Variants in CLSTN2 observed in about 807,000 individuals in gnomAD.
CLSTN2 encodes calsyntenin 2, also known as calsyntenin-2.
A neutral mutation model predicts 101.2 loss-of-function variants in CLSTN2; 48 were observed. The observed-to-expected ratio is 0.47, with a 90% CI of 0.38 to 0.60. CLSTN2 has a LOEUF of 0.60. Among genes scored for constraint, CLSTN2 ranks in the 20% least tolerant of loss-of-function variants. CLSTN2 has a pLI of 0.00. For synonymous variants in CLSTN2, 481 were observed against 463.6 expected, an observed-to-expected ratio of 1.04 and a Z score of -0.48; for missense variants, 1,160 against 1,238.2, an observed-to-expected ratio of 0.94 and a Z score of 0.95.
chr3:140,230,218 T>C (rs1327123971), intron 2 of CLSTN2, among the ~76,000 whole-genome samples: 1 of 152,160 alleles, frequency 6.6e-6, no homozygotes, highest in Non-Finnish European at 1.5e-5. Flanking sequence ...GGACATTACA[T>C]ACTGATTGCA....
chr3:140,199,442 T>G (rs934714075), intron 2 of CLSTN2, among the ~76,000 whole-genome samples: 3 of 152,204 alleles, frequency 2.0e-5, no homozygotes, highest in Non-Finnish European at 4.4e-5. Flanking sequence ...CTGGTCAGAA[T>G]TGGTTTGAAA....
At chr3:140,155,146 G>C (rs985585888) in intron 1 of CLSTN2, among the ~76,000 whole-genome samples, 1 of 152,156 alleles carries the variant, frequency 6.6e-6, no homozygotes, top group Non-Finnish European at 1.5e-5. Flanking sequence ...TACTCTGGCA[G>C]CTCCGTGGAA....
At chr3:140,010,716 C>T (rs1287553006) in intron 1 of CLSTN2, among the ~76,000 whole-genome samples, 1 of 152,178 alleles carries the variant, frequency 6.6e-6, no homozygotes, top group African/African-American at 2.4e-5. Context: ...CCACTGCACT[C>T]CCCAACTGTT....
In CLSTN2 at chr3:140,494,622, C is replaced by T. The variant is rs545575803; in HGVS notation, c.1344+27891C>T. 1.2e-4 allele frequency among the ~76,000 whole-genome samples: 18 copies of T among 152,306 alleles called. No homozygotes were observed. In the South Asian group the frequency reaches 3.7e-3, roughly 32 times the overall value. The stretch of plus-strand genomic sequence containing the variant: ...CCTGATGCTCTCTCTTCCCCTACCT[C>T]ACCCCCAACAGGTCCCAGTGTGTGT... On this transcript the variant is annotated intron_variant, in intron 8 of 16. Transcript: ENST00000458420.
At chr3:140,225,953 C>T (rs1251742398) in intron 2 of CLSTN2, among the ~76,000 whole-genome samples, 2 of 152,060 alleles carry the variant, frequency 1.3e-5, no homozygotes, top group East Asian at 3.9e-4. Flanking sequence ...ATGTTTTCTT[C>T]TATAATATTG....
At chr3:140,101,832 G>A (rs962934813) in intron 1 of CLSTN2, among the ~76,000 whole-genome samples, 9 of 152,128 alleles carry the variant, frequency 5.9e-5, no homozygotes, top group Admixed American at 3.3e-4. Context: ...TTTTAACTGC[G>A]CTGGCCCAGA....
intron 1 of CLSTN2, among the ~76,000 whole-genome samples, chr3:139,940,856 A>G (rs1458610936): frequency 1.3e-5 from 2 of 152,054 alleles, no homozygotes; most frequent in African/African-American, 2.4e-5. Context: ...AATATTTGCT[A>G]TCTAAGTAAA....
chr3:140,111,807 A>G (rs1355864756), intron 1 of CLSTN2, among the ~76,000 whole-genome samples: 1 of 152,204 alleles, frequency 6.6e-6, no homozygotes, highest in Non-Finnish European at 1.5e-5. Flanking sequence ...CCCCCTCTGC[A>G]CCAGAAGCCA....
intron 1 of CLSTN2, among the ~76,000 whole-genome samples, chr3:140,012,947 G>A (rs1430772565): frequency 1.3e-5 from 2 of 150,008 alleles, no homozygotes; most frequent in Non-Finnish European, 3.0e-5. Flanking sequence ...GACATGAGTG[G>A]CTGTTACAAC....
intron 8 of CLSTN2, among the ~76,000 whole-genome samples, chr3:140,472,454 G>A (rs990399634): frequency 2.6e-5 from 4 of 152,178 alleles, no homozygotes; most frequent in Non-Finnish European, 5.9e-5. Context: ...TTATAACCAA[G>A]TGCCAAGGAG....
intron 9 of CLSTN2, among the ~76,000 whole-genome samples, chr3:140,533,474 C>G (rs929246431): frequency 2.0e-5 from 3 of 152,048 alleles, no homozygotes; most frequent in African/African-American, 7.2e-5. Context: ...CTTTGGGAGG[C>G]CAAAGCGGGC....
At chr3:140,542,984 G>T (rs1447044852) in intron 9 of CLSTN2, among the ~76,000 whole-genome samples, 1 of 152,120 alleles carries the variant, frequency 6.6e-6, no homozygotes, top group East Asian at 1.9e-4. Flanking sequence ...TACCGGTGTG[G>T]CTTTTGGTCA....
At chr3:140,070,273 C>T (rs957377546) in intron 1 of CLSTN2, among the ~76,000 whole-genome samples, 34 of 152,286 alleles carry the variant, frequency 2.2e-4, no homozygotes, top group African/African-American at 7.9e-4. Context: ...GACTCTCTTC[C>T]TAGAAAAATA....
At chr3:140,530,923 C>A (rs1158818494) in intron 8 of CLSTN2, among the ~76,000 whole-genome samples, 6 of 152,204 alleles carry the variant, frequency 3.9e-5, no homozygotes, top group African/African-American at 1.4e-4. Flanking sequence ...GCTTGGCTAT[C>A]CTTGATTGCA....
chr3:140,022,046 G>C (rs2007329390), intron 1 of CLSTN2, among the ~76,000 whole-genome samples: 1 of 152,212 alleles, frequency 6.6e-6, no homozygotes, highest in Non-Finnish European at 1.5e-5. Flanking sequence ...AAAAAAAATG[G>C]AAGCTTATGC....
intron 4 of CLSTN2, among the ~76,000 whole-genome samples, chr3:140,411,162 T>C (rs573637244): frequency 6.6e-6 from 1 of 152,306 alleles, no homozygotes; most frequent in African/African-American, 2.4e-5. Flanking sequence ...AAGACCCAAC[T>C]ATATGATGCC....
At chr3:139,973,846 C>T (rs1935764921) in intron 1 of CLSTN2, among the ~76,000 whole-genome samples, 2 of 152,068 alleles carry the variant, frequency 1.3e-5, no homozygotes, top group African/African-American at 4.8e-5. Flanking sequence ...CTCTTTGTTG[C>T]CTAGGCTGGT....
intron 1 of CLSTN2, among the ~76,000 whole-genome samples, chr3:140,166,140 G>A (rs1295578826): frequency 6.6e-6 from 1 of 152,142 alleles, no homozygotes; most frequent in African/African-American, 2.4e-5. Flanking sequence ...ATGAATGCTA[G>A]CCCCAACTCC....
chr3:140,366,067 G>A (rs1332904751), intron 2 of CLSTN2, among the ~76,000 whole-genome samples: 2 of 152,212 alleles, frequency 1.3e-5, no homozygotes, highest in Admixed American at 6.5e-5. Flanking sequence ...CACAGGAGGG[G>A]AACAAGCCAC....
Sources: allele counts gnomAD v4.1 joint callset (sites outside exome capture counted in the v4.1 genomes callset), GRCh38; gene constraint gnomAD v4.1.1; transcripts MANE v1.5; gene names NCBI Gene and HGNC (gene_info 2026-07-23, HGNC 2026-07-21).